PLCH1: variants seen among roughly 807,000 people sequenced by gnomAD.
PLCH1 encodes the protein 1-phosphatidylinositol 4,5-bisphosphate phosphodiesterase eta-1.
In PLCH1, 60 loss-of-function variants were observed where a neutral mutation model predicts 126.7. The ratio of observed to expected loss-of-function variants is 0.47; its 90% CI spans 0.38 to 0.59. The LOEUF (loss-of-function observed/expected upper bound fraction) is 0.59. PLCH1 is among the 20% of genes least tolerant of loss of function. The pLI is 0.00. For missense variants in PLCH1, 1,723 were observed against 2,040.0 expected (o/e 0.84, Z 2.99); for synonymous variants, 719 against 734.9 (o/e 0.98, Z 0.35).
At chr3:155,727,457 G>A (rs940647291) in intron 1 of PLCH1, among the ~76,000 whole-genome samples, 8 of 148,990 alleles carry the variant, frequency 5.4e-5, no homozygotes, top group African/African-American at 1.7e-4. Flanking sequence ...GCACAATCTC[G>A]GCTCACTGCA....
At chr3:155,472,202 G>A (rs1475952903) in intron 21 of PLCH1, among the ~76,000 whole-genome samples, 1 of 151,930 alleles carries the variant, frequency 6.6e-6, no homozygotes, top group Admixed American at 6.6e-5. Flanking sequence ...AAGAAAAAAA[G>A]AGAGAAGAAT....
chr3:155,716,303 T>A (rs1444681611), intron 1 of PLCH1, among the ~76,000 whole-genome samples: 1 of 152,170 alleles, frequency 6.6e-6, no homozygotes, highest in Non-Finnish European at 1.5e-5. Context: ...TTGAAAAGAA[T>A]GTGTATTCTG....
At chr3:155,606,479 G>A (rs1734377736) in intron 2 of PLCH1, among the ~76,000 whole-genome samples, 1 of 152,186 alleles carries the variant, frequency 6.6e-6, no homozygotes, top group African/African-American at 2.4e-5. Flanking sequence ...CAGCCTTGGT[G>A]TGTAATAGCT....
At chr3:155,728,496 A>C (rs1748513140) in intron 1 of PLCH1, among the ~76,000 whole-genome samples, 1 of 152,190 alleles carries the variant, frequency 6.6e-6, no homozygotes, top group African/African-American at 2.4e-5. Flanking sequence ...AAGGTTAAGT[A>C]ATTACCCAAG....
intron 1 of PLCH1, among the ~76,000 whole-genome samples, chr3:155,718,844 A>G (rs976521679): frequency 6.6e-6 from 1 of 151,978 alleles, no homozygotes; most frequent in African/African-American, 2.4e-5. Flanking sequence ...ATGTTAGCAG[A>G]TATTTTCCCC....
At chr3:155,558,378 A>G (rs1727101516) in intron 8 of PLCH1, among the ~76,000 whole-genome samples, 1 of 152,184 alleles carries the variant, frequency 6.6e-6, no homozygotes, top group South Asian at 2.1e-4. Context: ...TGGCAGATAA[A>G]ATGCCACTAG....
chr3:155,598,597 TA>T (rs1396793961), intron 2 of PLCH1, among the ~76,000 whole-genome samples: 1 of 152,192 alleles, frequency 6.6e-6, no homozygotes, highest in African/African-American at 2.4e-5. Context: ...ACAAAACATC[TA>T]TACAGGATAC....
chr3:155,622,044 T>G (rs1736582555), intron 2 of PLCH1, among the ~76,000 whole-genome samples: 1 of 152,202 alleles, frequency 6.6e-6, no homozygotes, highest in South Asian at 2.1e-4. Flanking sequence ...GGGAAGCCCA[T>G]CAGACTGACA....
chr3:155,708,538 G>C (rs1159803161), intron 1 of PLCH1, among the ~76,000 whole-genome samples: 2 of 152,160 alleles, frequency 1.3e-5, no homozygotes, highest in African/African-American at 4.8e-5. Flanking sequence ...TTCCAAAGCA[G>C]GTTGAGTCTT....
chr3:155,662,714 G>A (rs1454911521), intron 2 of PLCH1, among the ~76,000 whole-genome samples: 2 of 151,892 alleles, frequency 1.3e-5, no homozygotes, highest in African/African-American at 4.8e-5. Context: ...GTCCTGACTG[G>A]AGTGCAGTGG....
intron 2 of PLCH1, among the ~76,000 whole-genome samples, chr3:155,656,035 T>C (rs1462714538): frequency 6.6e-6 from 1 of 152,156 alleles, no homozygotes; most frequent in African/African-American, 2.4e-5. Flanking sequence ...GATAATCTTC[T>C]ACTGACTCAA....
intron 1 of PLCH1, among the ~76,000 whole-genome samples, chr3:155,712,305 GC>G (rs1747180209): frequency 6.6e-6 from 1 of 152,162 alleles, no homozygotes; most frequent in Admixed American, 6.5e-5. Flanking sequence ...ATGCATTCAA[GC>G]CCTTTGTCCT....
intron 1 of PLCH1, among the ~76,000 whole-genome samples, chr3:155,726,721 G>A (rs576243681): frequency 6.7e-6 from 1 of 149,432 alleles, no homozygotes; most frequent in Non-Finnish European, 1.5e-5. Flanking sequence ...TTGAGACGGG[G>A]TCTTCACCCT....
rs370692795 is a variant in PLCH1, at chr3:155,494,497, A to T, written c.1915T>A (p.Ser639Thr). 1.1e-4 allele frequency: 179 copies of T among 1,612,152 alleles called. 2 individuals are homozygous for T. In the Middle Eastern group the frequency reaches 1.3e-3, roughly 12 times the overall value. ...VDDGTTGNVL[S>T]FSETRAHQVV... is the part of the protein sequence containing the mutation. ...TGATGTGCTCTTGTTTCACTGAATG[A>T]TAACACATTTCCTGTGGTTCCTGGC... Residue 639 changes from serine to threonine, a missense_variant, in exon 16 of 23, where the codon TCA becomes ACA. Physicochemically the swap from Ser to Thr is moderately conservative, Grantham distance 58. Transcript: ENST00000460012.
At chr3:155,493,410 T>C (rs1356426459) in intron 17 of PLCH1, among the ~76,000 whole-genome samples, 1 of 152,196 alleles carries the variant, frequency 6.6e-6, no homozygotes, top group Non-Finnish European at 1.5e-5. Context: ...TCTTTTGAGA[T>C]GGAGTCTCAC....
intron 1 of PLCH1, among the ~76,000 whole-genome samples, chr3:155,744,127 GGCGTC>G (rs1235688528): frequency 6.6e-6 from 1 of 152,092 alleles, no homozygotes; most frequent in African/African-American, 2.4e-5. Flanking sequence ...GAGGGGAGAG[GGCGTC>G]GCAGACGCTC....
At chr3:155,649,960 AGAGT>A (rs1232463193) in intron 2 of PLCH1, among the ~76,000 whole-genome samples, 1 of 152,066 alleles carries the variant, frequency 6.6e-6, no homozygotes, top group Admixed American at 6.5e-5. Context: ...CCTGGGCGAC[AGAGT>A]GAGACTCCTT....
intron 1 of PLCH1, among the ~76,000 whole-genome samples, chr3:155,725,852 T>A (rs1050649357): frequency 2.6e-5 from 4 of 152,238 alleles, no homozygotes; most frequent in Admixed American, 1.3e-4. Context: ...AACATCATAT[T>A]TTGTGCTTGC....
At chr3:155,515,857 C>T (rs985154726) in intron 11 of PLCH1, among the ~76,000 whole-genome samples, 10 of 152,186 alleles carry the variant, frequency 6.6e-5, no homozygotes, top group Non-Finnish European at 1.5e-5. Flanking sequence ...ACATTCTTCA[C>T]GAAAAGTTTA....
Sources: gnomAD v4.1 joint callset for allele counts (sites outside exome capture counted in the v4.1 genomes callset) on GRCh38, gnomAD v4.1.1 for gene constraint, MANE v1.5 for transcripts, NCBI Gene and HGNC (gene_info 2026-07-23, HGNC 2026-07-21) for gene names.